GRM1: variants seen among roughly 807,000 people sequenced by gnomAD.
GRM1 encodes glutamate metabotropic receptor 1.
A neutral mutation model predicts 90.9 loss-of-function variants in GRM1; 33 were observed. The observed-to-expected ratio is 0.36, with a 90% CI of 0.28 to 0.49. The LOEUF (loss-of-function observed/expected upper bound fraction) is 0.49, where lower values mean the gene tolerates loss of function less well. Among genes scored for constraint, GRM1 ranks in the 20% least tolerant of loss-of-function variants. The probability of loss-of-function intolerance (pLI) is 0.99; values close to 1 mark genes in which losing one functional copy is unlikely to be tolerated. For missense variants in GRM1, 1,190 were observed against 1,534.3 expected (o/e 0.78, Z 3.75); for synonymous variants, 700 against 613.2 (o/e 1.14, Z -2.09).
chr6:146,114,169 T>C (rs895820884), intron 1 of GRM1, among the ~76,000 whole-genome samples: 1 of 152,242 alleles, frequency 6.6e-6, no homozygotes, highest in African/African-American at 2.4e-5. Context: ...TGATCTCATT[T>C]ATTAAAAACA....
At chr6:146,262,883 C>T (rs1251470391) in intron 2 of GRM1, among the ~76,000 whole-genome samples, 3 of 151,634 alleles carry the variant, frequency 2.0e-5, no homozygotes, top group Admixed American at 2.0e-4. Flanking sequence ...TAATAATAAA[C>T]AAAGGCAAAT....
At chr6:146,094,652 A>C (rs1234534591) in intron 1 of GRM1, among the ~76,000 whole-genome samples, 1 of 152,148 alleles carries the variant, frequency 6.6e-6, no homozygotes, top group Non-Finnish European at 1.5e-5. Flanking sequence ...GTTATTCTAA[A>C]TGGAGCATAG....
intron 1 of GRM1, among the ~76,000 whole-genome samples, chr6:146,103,979 G>A (rs543697569): frequency 3.2e-4 from 48 of 152,262 alleles, no homozygotes; most frequent in African/African-American, 1.1e-3. Flanking sequence ...AAAACCATCT[G>A]ATCTGAATTC....
At chr6:146,190,484 A>G (rs1778897462) in intron 2 of GRM1, among the ~76,000 whole-genome samples, 3 of 152,176 alleles carry the variant, frequency 2.0e-5, no homozygotes, top group South Asian at 4.1e-4. Context: ...TAGAAAGTAC[A>G]CGAGGCGATA....
At chr6:146,222,453 G>T (rs979449504) in intron 2 of GRM1, among the ~76,000 whole-genome samples, 8 of 152,046 alleles carry the variant, frequency 5.3e-5, no homozygotes, top group African/African-American at 1.9e-4. Context: ...AAGATCTGCT[G>T]CTGGAGACCC....
At chr6:146,077,137 G>T (rs554216228) in intron 1 of GRM1, among the ~76,000 whole-genome samples, 4 of 152,268 alleles carry the variant, frequency 2.6e-5, no homozygotes, top group African/African-American at 7.2e-5. Flanking sequence ...TGTGATTGAA[G>T]CTACAGTATG....
At chr6:146,141,347 T>C (rs1305451273) in intron 1 of GRM1, among the ~76,000 whole-genome samples, 1 of 152,022 alleles carries the variant, frequency 6.6e-6, no homozygotes, top group East Asian at 1.9e-4. Context: ...ATTTGATTAT[T>C]AAATGCCTCG....
intron 1 of GRM1, among the ~76,000 whole-genome samples, chr6:146,136,178 C>T (rs1776610802): frequency 6.6e-6 from 1 of 152,180 alleles, no homozygotes; most frequent in Non-Finnish European, 1.5e-5. Flanking sequence ...ATCCATTTGT[C>T]TGTTGATAGA....
intron 2 of GRM1, among the ~76,000 whole-genome samples, chr6:146,210,260 A>G (rs528664100): frequency 6.6e-6 from 1 of 152,294 alleles, no homozygotes; most frequent in East Asian, 1.9e-4. Context: ...CAGCTCCTAA[A>G]TCTATGTTCT....
intron 2 of GRM1, among the ~76,000 whole-genome samples, chr6:146,270,555 G>A (rs978865743): frequency 6.6e-6 from 1 of 152,142 alleles, no homozygotes; most frequent in Non-Finnish European, 1.5e-5. Flanking sequence ...CTGGCCCCAA[G>A]GCAGGAGTTG....
chr6:146,304,631 A>G lies in GRM1; in HGVS notation c.971A>G (p.Asp324Gly). The G allele has an allele frequency of 6.2e-7, 1 of 1,613,118 alleles. No homozygotes were observed. The highest frequency in any genetic ancestry group is 8.5e-7 in the Non-Finnish European group (1 of 1,179,220). Residue 324 changes from aspartate to glycine, a missense_variant, in exon 3 of 8, where the codon GAT becomes GGT. Physicochemically the swap from Asp to Gly is moderately conservative, Grantham distance 94. Coordinates refer to ENST00000282753, the MANE Select transcript of GRM1 (RefSeq NM_001278064.2). ...TTTAGTGATGGATGGGCAGACAGAGATGAAGTCATTGAAGGTTATGAGGTG... is the reference window on the plus strand; with the variant it reads ...TTTAGTGATGGATGGGCAGACAGAGGTGAAGTCATTGAAGGTTATGAGGTG... ...LIGSDGWADR[D>G]EVIEGYEVEA...
intron 1 of GRM1, among the ~76,000 whole-genome samples, chr6:146,134,696 C>T (rs533196702): frequency 3.9e-5 from 6 of 152,192 alleles, no homozygotes; most frequent in Non-Finnish European, 7.4e-5. Context: ...TTTGGGAGGC[C>T]ATGGCGGGTG....
At chr6:146,254,685 C>T (rs575146312) in intron 2 of GRM1, among the ~76,000 whole-genome samples, 6 of 152,118 alleles carry the variant, frequency 3.9e-5, no homozygotes, top group Non-Finnish European at 8.8e-5. Flanking sequence ...TTTAACAGCC[C>T]AGTCATGCCC....
At chr6:146,351,385 T>C (rs1354263062) in intron 3 of GRM1, among the ~76,000 whole-genome samples, 2 of 152,106 alleles carry the variant, frequency 1.3e-5, no homozygotes, top group Non-Finnish European at 2.9e-5. Context: ...TTTCCAAATA[T>C]ATTTTTTGTT....
intron 3 of GRM1, among the ~76,000 whole-genome samples, chr6:146,324,229 T>C (rs951780284): frequency 6.6e-6 from 1 of 152,036 alleles, no homozygotes; most frequent in African/African-American, 2.4e-5. Context: ...CCAGTAATGG[T>C]GACACCCCTC....
intron 1 of GRM1, among the ~76,000 whole-genome samples, chr6:146,124,413 A>T (rs1380408951): frequency 6.6e-6 from 1 of 152,154 alleles, no homozygotes; most frequent in Non-Finnish European, 1.5e-5. Flanking sequence ...TTGTCTCTAA[A>T]TTCATTAAAT....
At chr6:146,070,052 T>C (rs1348968400) in intron 1 of GRM1, among the ~76,000 whole-genome samples, 1 of 152,198 alleles carries the variant, frequency 6.6e-6, no homozygotes, top group Non-Finnish European at 1.5e-5. Flanking sequence ...TGCCAATTTC[T>C]GTGTTTGGCT....
At chr6:146,201,964 GGAA>G (rs1180904830) in intron 2 of GRM1, among the ~76,000 whole-genome samples, 1 of 152,142 alleles carries the variant, frequency 6.6e-6, no homozygotes, top group Non-Finnish European at 1.5e-5. Context: ...GAAGAGTTTT[GGAA>G]GCTAATGCTG....
chr6:146,149,292 T>C (rs752071142), intron 1 of GRM1, among the ~76,000 whole-genome samples: 8 of 152,174 alleles, frequency 5.3e-5, no homozygotes, highest in Non-Finnish European at 7.3e-5. Context: ...CAGAAAGTCA[T>C]GGACACAAGG....
Sources: gnomAD v4.1 joint callset for allele counts (sites outside exome capture counted in the v4.1 genomes callset) on GRCh38, gnomAD v4.1.1 for gene constraint, MANE v1.5 for transcripts, NCBI Gene and HGNC (gene_info 2026-07-23, HGNC 2026-07-21) for gene names.